Variants in IL12RB2 observed in about 807,000 individuals in gnomAD.
IL12RB2 encodes interleukin-12 receptor subunit beta-2.
In IL12RB2, 82 loss-of-function variants were observed where a neutral mutation model predicts 89.4. That is an observed-to-expected ratio of 0.92 (90% CI 0.77 to 1.10). The LOEUF is 1.10. Among genes scored for constraint, IL12RB2 ranks in the 50% least tolerant of loss-of-function variants. The pLI is 0.00. For synonymous variants in IL12RB2, 368 were observed against 370.1 expected, an observed-to-expected ratio of 0.99 and a Z score of 0.07; for missense variants, 963 against 1,031.9, an observed-to-expected ratio of 0.93 and a Z score of 0.92.
rs1557487132 is a variant in IL12RB2, at chr1:67,395,712, G to T, written c.2212G>T (p.Ala738Ser). ...QREKGIQGHQ[A>S]SEKDMMHSAS... Reference sequence around the variant, plus strand: ...GGAAAAAGGAATCCAAGGTCATCAGGCCTCTGAGAAAGACATGATGCACAG... The same window carrying T: ...GGAAAAAGGAATCCAAGGTCATCAGTCCTCTGAGAAAGACATGATGCACAG... The change falls in exon 17 of 17, where the codon GCC (alanine) becomes TCC (serine). Residue 738 changes from alanine to serine, a missense_variant. By Grantham distance (99) the Ala-to-Ser change is moderately conservative (BLOSUM62 1). Transcript: ENST00000674203. The T allele has an allele frequency of 1.2e-6, 2 of 1,614,160 alleles. No individual in the cohort carries two copies. The highest frequency in any genetic ancestry group is 1.7e-6 in the Non-Finnish European group (2 of 1,180,022).
intron 2 of IL12RB2, among the ~76,000 whole-genome samples, chr1:67,315,327 A>G (rs776728237): frequency 2.6e-5 from 4 of 152,144 alleles, no homozygotes; most frequent in Non-Finnish European, 5.9e-5. Flanking sequence ...GGAGAATGTT[A>G]TAGCTTCATA....
At chr1:67,326,658 T>G (rs1273417806) in intron 4 of IL12RB2, 77 bp from the exon 5 acceptor site, 5 of 1,569,068 alleles carry the variant, frequency 3.2e-6, no homozygotes, top group Non-Finnish European at 4.3e-6. Flanking sequence ...CGTATTGTCA[T>G]GTTGATGGCA....
chr1:67,368,772 G>A (rs188667967), intron 11 of IL12RB2, among the ~76,000 whole-genome samples: 3 of 152,234 alleles, frequency 2.0e-5, no homozygotes, highest in East Asian at 3.9e-4. Flanking sequence ...TTACTTAACC[G>A]CTTTGTGCCT....
At chr1:67,390,372 G>A (rs1462908341) in intron 16 of IL12RB2, among the ~76,000 whole-genome samples, 2 of 150,710 alleles carry the variant, frequency 1.3e-5, no homozygotes, top group African/African-American at 4.9e-5. Flanking sequence ...TTATACCTCA[G>A]TATGCCTCAC....
chr1:67,307,427 C>G (rs1396346023), upstream of IL12RB2: 1 of 152,538 alleles, frequency 6.6e-6, no homozygotes, highest in East Asian at 1.9e-4. Context: ...CAAAGTGCCA[C>G]GTCTCTATGG....
At chr1:67,324,917 T>C (rs112668658) in intron 4 of IL12RB2, among the ~76,000 whole-genome samples, 7,331 of 152,254 alleles carry the variant, frequency 0.048, 607 homozygotes, top group African/African-American at 0.17. Flanking sequence ...AGTCTATATG[T>C]CTTAGAGGAA....
intron 9 of IL12RB2, among the ~76,000 whole-genome samples, chr1:67,339,495 A>G (rs1659282466): frequency 6.6e-6 from 1 of 151,740 alleles, no homozygotes; most frequent in African/African-American, 2.4e-5. Context: ...TCAAAAAAAA[A>G]AAAAAAAGAA....
At chr1:67,313,853 G>A (rs540364302) in intron 1 of IL12RB2, 60 bp from the exon 2 acceptor site, 1 of 152,120 alleles carries the variant, frequency 6.6e-6, no homozygotes, top group African/African-American at 2.4e-5. Context: ...GAGAGACTGA[G>A]GTTCTGATCT....
chr1:67,393,743 C>G (rs78293080), intron 16 of IL12RB2, among the ~76,000 whole-genome samples: 6,054 of 152,252 alleles, frequency 0.04, 429 homozygotes, highest in African/African-American at 0.14. Context: ...CCAGACCAAA[C>G]CCCTCTTGCA....
At chr1:67,391,263 C>T (rs1032002674) in intron 16 of IL12RB2, among the ~76,000 whole-genome samples, 3 of 151,824 alleles carry the variant, frequency 2.0e-5, no homozygotes, top group African/African-American at 7.3e-5. Flanking sequence ...AAAGATCATT[C>T]ACTTTCTTCC....
At chr1:67,365,624 C>T (rs1380874268) in intron 10 of IL12RB2, among the ~76,000 whole-genome samples, 1 of 151,992 alleles carries the variant, frequency 6.6e-6, no homozygotes, top group Non-Finnish European at 1.5e-5. Context: ...AGACACAGAC[C>T]CATGATGATA....
In IL12RB2 at chr1:67,310,034, G is replaced by T. The variant is rs530051280; in HGVS notation, c.-125+2067G>T. Among the ~76,000 whole-genome samples, 31 of 151,966 alleles carry T rather than the reference G, an allele frequency of 2.0e-4. 1 individual carries two copies. The East Asian group carries it at 5.2e-3, about 26-fold the overall frequency. Reference sequence around the variant, plus strand: ...TACTGAAAACACAAAAATTAGCGGGGCATGGTGGCACACACCATGTGGCAT... The same window carrying T: ...TACTGAAAACACAAAAATTAGCGGGTCATGGTGGCACACACCATGTGGCAT... On this transcript the variant is annotated intron_variant, in intron 1 of 16. Transcript: ENST00000674203.
At chr1:67,326,979 T>TTTATTTA in intron 5 of IL12RB2, 130 bp downstream of exon 5, 3 of 457,134 alleles carry the variant, frequency 6.6e-6, no homozygotes, top group Non-Finnish European at 8.0e-6. Flanking sequence ...TTATTTATTT[T>TTTATTTA]GAGACGGAAT....
intron 4 of IL12RB2, among the ~76,000 whole-genome samples, chr1:67,326,526 T>G (rs1302128630): frequency 6.6e-6 from 1 of 152,238 alleles, no homozygotes; most frequent in African/African-American, 2.4e-5. Flanking sequence ...ATATAGTATT[T>G]GATCCATATT....
intron 14 of IL12RB2, among the ~76,000 whole-genome samples, chr1:67,384,611 G>A (rs1055238889): frequency 2.0e-5 from 3 of 152,096 alleles, no homozygotes; most frequent in Non-Finnish European, 2.9e-5. Context: ...CAGAAAATAG[G>A]GTTTTCTTTT....
At chr1:67,381,133 T>C (rs1664523471) in intron 14 of IL12RB2, among the ~76,000 whole-genome samples, 1 of 152,166 alleles carries the variant, frequency 6.6e-6, no homozygotes, top group Admixed American at 6.5e-5. Flanking sequence ...CATGCCTTTT[T>C]TAAAGTGAGG....
rs1376754703 is a variant in IL12RB2, at chr1:67,321,828, C to A, written c.303C>A (p.Cys101Ter). 6.2e-7 allele frequency: 1 copy of A among 1,613,388 alleles called. No individual in the cohort carries two copies. The highest frequency in any genetic ancestry group is 1.7e-5 in the Admixed American group (1 of 60,014). The change falls in exon 4 of 17, where the codon TGC (cysteine) becomes TGA (stop). Residue 101 changes from cysteine (C) to a stop codon, truncating the protein, a stop_gained. Coordinates refer to ENST00000674203, the MANE Select transcript of IL12RB2 (RefSeq NM_001374259.2). LOFTEE classifies it high-confidence loss of function. Reference sequence around the variant, plus strand: ...CCCTTGGTACAACCTTGTTTGTCTGCAAACTGGCCTGTATCAATAGTGATG... The same window carrying A: ...CCCTTGGTACAACCTTGTTTGTCTGAAAACTGGCCTGTATCAATAGTGATG... ...GLPLGTTLFV[C>*]KLACINSDEI...
intron 14 of IL12RB2, 104 bp downstream of exon 14, chr1:67,380,227 T>C (rs921651562): frequency 7.9e-7 from 1 of 1,265,420 alleles, no homozygotes; most frequent in Non-Finnish European, 1.1e-6. Context: ...TTTAATTCAC[T>C]AAAAACTTTC....
At chr1:67,327,048 C>T (rs1231873489) in intron 5 of IL12RB2, among the ~76,000 whole-genome samples, 199 bp downstream of exon 5, 4 of 151,856 alleles carry the variant, frequency 2.6e-5, no homozygotes, top group Non-Finnish European at 5.9e-5. Flanking sequence ...GCAACCTCTG[C>T]TTCCTGGGTT....
Sources: gnomAD v4.1 joint callset for allele counts (sites outside exome capture counted in the v4.1 genomes callset) on GRCh38, gnomAD v4.1.1 for gene constraint, MANE v1.5 for transcripts, NCBI Gene and HGNC (gene_info 2026-07-23, HGNC 2026-07-21) for gene names.